Variants in EPHA6 observed in about 807,000 individuals in gnomAD.
EPHA6 encodes ephrin type-A receptor 6.
In EPHA6, 50 loss-of-function variants were observed where a neutral mutation model predicts 112.0. That is an observed-to-expected ratio of 0.45 (90% CI 0.36 to 0.56). The LOEUF (loss-of-function observed/expected upper bound fraction) is 0.56, where lower values mean the gene tolerates loss of function less well. Ranked by LOEUF, EPHA6 falls within the 20% of genes least tolerant of loss-of-function variation. The pLI is 0.00. For synonymous variants in EPHA6, 529 were observed against 490.7 expected, an observed-to-expected ratio of 1.08 and a Z score of -1.03; for missense variants, 1,280 against 1,417.4, an observed-to-expected ratio of 0.90 and a Z score of 1.56.
chr3:96,918,918 A>T (rs966635282), intron 2 of EPHA6, among the ~76,000 whole-genome samples: 1 of 152,020 alleles, frequency 6.6e-6, no homozygotes, highest in African/African-American at 2.4e-5. Flanking sequence ...ATTACTTATG[A>T]TATCACTGAC....
intron 14 of EPHA6, among the ~76,000 whole-genome samples, chr3:97,707,950 A>G (rs1417417592): frequency 1.3e-5 from 2 of 152,236 alleles, no homozygotes; most frequent in African/African-American, 2.4e-5. Flanking sequence ...CTGTAAGTCA[A>G]TTAAACCTCT....
At chr3:96,965,676 A>G (rs1200229281) in intron 2 of EPHA6, among the ~76,000 whole-genome samples, 2 of 151,926 alleles carry the variant, frequency 1.3e-5, no homozygotes, top group Admixed American at 6.6e-5. Flanking sequence ...AAATTTACCA[A>G]TTTTTCTCTT....
At chr3:97,036,082 G>A (rs114198872) in intron 3 of EPHA6, among the ~76,000 whole-genome samples, 2,014 of 152,038 alleles carry the variant, frequency 0.013, 45 homozygotes, top group African/African-American at 0.044. Context: ...ACCAAATACC[G>A]AATATGCCAG....
At chr3:97,339,059 G>A (rs1420588244) in intron 5 of EPHA6, among the ~76,000 whole-genome samples, 1 of 152,150 alleles carries the variant, frequency 6.6e-6, no homozygotes, top group African/African-American at 2.4e-5. Flanking sequence ...AGAGAAGGGA[G>A]AAGCCTGACC....
At chr3:96,840,190 A>G (rs947315719) in intron 1 of EPHA6, among the ~76,000 whole-genome samples, 16 of 151,856 alleles carry the variant, frequency 1.1e-4, no homozygotes, top group African/African-American at 3.9e-4. Context: ...CATGTACCTG[A>G]AAGTTGGAGA....
chr3:97,476,093 A>G (rs2091362798), intron 8 of EPHA6, among the ~76,000 whole-genome samples: 2 of 152,130 alleles, frequency 1.3e-5, no homozygotes, highest in African/African-American at 4.8e-5. Context: ...AAATAGTATG[A>G]ATACCATAAT....
intron 1 of EPHA6, among the ~76,000 whole-genome samples, chr3:96,833,892 T>A (rs1483897105): frequency 2.0e-5 from 3 of 152,004 alleles, no homozygotes; most frequent in Non-Finnish European, 4.4e-5. Context: ...TTCCAATTCA[T>A]AAATATATAC....
chr3:97,739,361 T>C (rs2035406431), intron 16 of EPHA6, among the ~76,000 whole-genome samples: 1 of 152,054 alleles, frequency 6.6e-6, no homozygotes, highest in South Asian at 2.1e-4. Flanking sequence ...TGGTTTTTAT[T>C]CCATTCTAAT....
chr3:96,894,346 A>T (rs1318104412), intron 2 of EPHA6, among the ~76,000 whole-genome samples: 2 of 152,132 alleles, frequency 1.3e-5, no homozygotes, highest in Non-Finnish European at 2.9e-5. Context: ...ATTATTGATA[A>T]TGCTCCTGCA....
chr3:96,838,950 A>G (rs2034575343), intron 1 of EPHA6, among the ~76,000 whole-genome samples: 3 of 152,102 alleles, frequency 2.0e-5, no homozygotes, highest in South Asian at 4.1e-4. Flanking sequence ...ATTTAATACT[A>G]TGTGACTTAG....
At chr3:96,953,211 A>G (rs1337408881) in intron 2 of EPHA6, among the ~76,000 whole-genome samples, 1 of 152,124 alleles carries the variant, frequency 6.6e-6, no homozygotes, top group East Asian at 1.9e-4. Context: ...TGGTAATTCA[A>G]TTTAGTATTT....
At chr3:97,056,194 G>A (rs1158183735) in intron 3 of EPHA6, among the ~76,000 whole-genome samples, 1 of 152,010 alleles carries the variant, frequency 6.6e-6, no homozygotes, top group African/African-American at 2.4e-5. Context: ...ATACAGCATC[G>A]CAAACCTACC....
At chr3:97,065,770 A>G (rs1037961409) in intron 3 of EPHA6, among the ~76,000 whole-genome samples, 1 of 152,044 alleles carries the variant, frequency 6.6e-6, no homozygotes, top group African/African-American at 2.4e-5. Context: ...ATTCATTTTT[A>G]ATTTTGTATT....
chr3:97,620,042 T>C (rs1560198171), intron 13 of EPHA6, among the ~76,000 whole-genome samples: 2 of 151,810 alleles, frequency 1.3e-5, no homozygotes, highest in South Asian at 2.1e-4. Flanking sequence ...GTGAGCAAAA[T>C]AGCATGGTAC....
chr3:97,037,102 A>T (rs577327553), intron 3 of EPHA6, among the ~76,000 whole-genome samples: 1 of 152,210 alleles, frequency 6.6e-6, no homozygotes, highest in African/African-American at 2.4e-5. Flanking sequence ...AACAAACTAG[A>T]TGGTAAATTT....
chr3:96,878,582 A>C (rs1393216928), intron 2 of EPHA6, among the ~76,000 whole-genome samples: 1 of 152,100 alleles, frequency 6.6e-6, no homozygotes, highest in Non-Finnish European at 1.5e-5. Context: ...CAGACTATTA[A>C]GTTGAATATT....
intron 5 of EPHA6, among the ~76,000 whole-genome samples, chr3:97,386,609 T>C (rs1224349808): frequency 6.6e-6 from 1 of 152,162 alleles, no homozygotes; most frequent in Non-Finnish European, 1.5e-5. Flanking sequence ...CACAAGCTGA[T>C]ATTGAGTGTC....
intron 3 of EPHA6, among the ~76,000 whole-genome samples, chr3:97,016,306 A>T (rs2044264873): frequency 6.6e-6 from 1 of 152,144 alleles, no homozygotes; most frequent in African/African-American, 2.4e-5. Flanking sequence ...AAAAATCTGA[A>T]TTTTTGGCAA....
chr3:97,743,737 A>G (rs879349574), intron 16 of EPHA6, among the ~76,000 whole-genome samples: 2 of 152,110 alleles, frequency 1.3e-5, no homozygotes, highest in Non-Finnish European at 2.9e-5. Flanking sequence ...GCCTTTAAGC[A>G]TTATGAGGGT....
Sources: gnomAD v4.1 joint callset for allele counts (sites outside exome capture counted in the v4.1 genomes callset) on GRCh38, gnomAD v4.1.1 for gene constraint, MANE v1.5 for transcripts, NCBI Gene and HGNC (gene_info 2026-07-23, HGNC 2026-07-21) for gene names.